The following PDE4D variants were observed in gnomAD, a reference collection of about 807,000 sequenced individuals.
PDE4D encodes the protein 3',5'-cyclic-AMP phosphodiesterase 4D.
In PDE4D, 24 loss-of-function variants were observed where a neutral mutation model predicts 87.4. That is an observed-to-expected ratio of 0.27 (90% CI 0.20 to 0.39). The LOEUF (loss-of-function observed/expected upper bound fraction) is 0.39, where lower values mean the gene tolerates loss of function less well. Ranked by LOEUF, PDE4D falls within the 10% of genes least tolerant of loss-of-function variation. The pLI is 1.00. For missense variants in PDE4D, 714 were observed against 1,041.0 expected (o/e 0.69, Z 4.32); for synonymous variants, 384 against 383.2 (o/e 1.00, Z -0.02).
At chr5:60,039,370 G>A (rs1437756910) in intron 2 of PDE4D, among the ~76,000 whole-genome samples, 2 of 149,834 alleles carry the variant, frequency 1.3e-5, no homozygotes, top group Non-Finnish European at 1.5e-5. Context: ...TCACTCATAG[G>A]TGGGAATTGA....
intron 1 of PDE4D, among the ~76,000 whole-genome samples, chr5:59,817,740 A>ACCCCCCCC (rs1356310097): frequency 7.9e-6 from 1 of 127,210 alleles, no homozygotes; most frequent in Admixed American, 8.4e-5. Context: ...GCACACACCC[A>ACCCCCCCC]CACCCCCCCC....
chr5:59,610,687 C>T (rs1034887561), intron 1 of PDE4D, among the ~76,000 whole-genome samples: 8 of 152,040 alleles, frequency 5.3e-5, no homozygotes, highest in African/African-American at 1.9e-4. Context: ...GCACATTAGT[C>T]CTTTGGATGG....
chr5:60,156,222 T>C (rs1781965576), intron 2 of PDE4D, among the ~76,000 whole-genome samples: 1 of 152,242 alleles, frequency 6.6e-6, no homozygotes, highest in South Asian at 2.1e-4. Flanking sequence ...CGGGCCTCGC[T>C]ACTGTTTGTT....
intron 2 of PDE4D, among the ~76,000 whole-genome samples, chr5:60,127,318 C>T (rs1187220589): frequency 6.6e-6 from 1 of 152,134 alleles, no homozygotes; most frequent in African/African-American, 2.4e-5. Context: ...TGGGAAACCG[C>T]TAACTGGTTT....
At chr5:59,309,371 T>C (rs1772104250) in intron 1 of PDE4D, among the ~76,000 whole-genome samples, 1 of 152,212 alleles carries the variant, frequency 6.6e-6, no homozygotes, top group South Asian at 2.1e-4. Flanking sequence ...GCCCTCTGGA[T>C]GGATCCCTGT....
chr5:59,386,470 A>G (rs1436921503), intron 1 of PDE4D, among the ~76,000 whole-genome samples: 1 of 152,096 alleles, frequency 6.6e-6, no homozygotes, highest in Non-Finnish European at 1.5e-5. Flanking sequence ...CAGAGTAATT[A>G]GACCATTCCC....
At chr5:59,999,499 C>G (rs1162639952) in intron 2 of PDE4D, among the ~76,000 whole-genome samples, 1 of 104,600 alleles carries the variant, frequency 9.6e-6, no homozygotes, top group Non-Finnish European at 1.9e-5. Flanking sequence ...AGAACACACA[C>G]AAATTCAAAG....
At chr5:60,207,290 G>T (rs1002009773) in intron 1 of PDE4D, among the ~76,000 whole-genome samples, 2 of 152,162 alleles carry the variant, frequency 1.3e-5, no homozygotes, top group African/African-American at 4.8e-5. Flanking sequence ...ATGGTTAAGG[G>T]GAAATGAGAC....
At chr5:60,050,773 G>A (rs1770034556) in intron 2 of PDE4D, among the ~76,000 whole-genome samples, 1 of 152,170 alleles carries the variant, frequency 6.6e-6, no homozygotes, top group Admixed American at 6.5e-5. Context: ...CCATTGTTGT[G>A]CTGTATTCAG....
chr5:60,330,152 C>T (rs536477470), intron 1 of PDE4D, among the ~76,000 whole-genome samples: 3 of 152,266 alleles, frequency 2.0e-5, no homozygotes, highest in African/African-American at 4.8e-5. Context: ...TGAAAGGAAA[C>T]TTTGATCTGA....
rs1179036754 is a variant in PDE4D, at chr5:59,369,776, T to C, written c.456-153808A>G. 2.6e-5 allele frequency among the ~76,000 whole-genome samples: 4 copies of C among 152,232 alleles called. No individual in the cohort carries two copies. In the South Asian group the frequency reaches 8.3e-4, roughly 32 times the overall value. On this transcript the variant is annotated intron_variant, in intron 1 of 14. Coordinates refer to ENST00000340635, the MANE Select transcript of PDE4D (RefSeq NM_001104631.2). Reference sequence around the variant, plus strand: ...CCCCCAGGTGCCTGAGATGGGAAACTGACTGAGTCTGCCATAGCCTCAGGT... The same window carrying C: ...CCCCCAGGTGCCTGAGATGGGAAACCGACTGAGTCTGCCATAGCCTCAGGT...
At chr5:60,113,245 T>C (rs1035600961) in intron 2 of PDE4D, among the ~76,000 whole-genome samples, 3 of 152,100 alleles carry the variant, frequency 2.0e-5, no homozygotes, top group Admixed American at 2.0e-4. Context: ...TATCACCTCC[T>C]TCCTTAAGAA....
intron 1 of PDE4D, among the ~76,000 whole-genome samples, chr5:59,728,025 T>A (rs1429683926): frequency 1.3e-5 from 2 of 152,150 alleles, no homozygotes; most frequent in Admixed American, 6.6e-5. Flanking sequence ...GACCTAATAA[T>A]AATAGCATCT....
chr5:60,064,457 T>C (rs576737736), intron 2 of PDE4D, among the ~76,000 whole-genome samples: 29 of 152,230 alleles, frequency 1.9e-4, no homozygotes, highest in African/African-American at 6.7e-4. Flanking sequence ...GAGCTCTCGT[T>C]GTGCTGTTTT....
At chr5:59,712,240 T>G (rs1754298525) in intron 1 of PDE4D, among the ~76,000 whole-genome samples, 1 of 151,746 alleles carries the variant, frequency 6.6e-6, no homozygotes, top group South Asian at 2.1e-4. Context: ...CTCTACCATA[T>G]TCATTACCTT....
chr5:59,767,150 CT>C (rs34936913), intron 1 of PDE4D, among the ~76,000 whole-genome samples: 31 of 151,174 alleles, frequency 2.1e-4, no homozygotes, highest in African/African-American at 5.3e-4. Context: ...CTTGTTTCTG[CT>C]TTTTTTTTCC....
intron 1 of PDE4D, among the ~76,000 whole-genome samples, chr5:59,239,783 T>C (rs551731290): frequency 6.6e-6 from 1 of 152,280 alleles, no homozygotes; most frequent in South Asian, 2.1e-4. Context: ...TGAATTTGAA[T>C]AGGTTCTGTT....
Position 59,428,895 on chromosome 5 carries a change from G to A in PDE4D, c.456-212927C>T, listed in dbSNP as rs1354851949. 4.6e-5 allele frequency among the ~76,000 whole-genome samples: 7 copies of A among 152,208 alleles called. No individual in the cohort carries two copies. In the South Asian group the frequency reaches 1.0e-3, roughly 23 times the overall value. On this transcript the variant is annotated intron_variant, in intron 1 of 14. Transcript: ENST00000340635. ...ATGTATTCTACTGAAAGAAAAGATG[G>A]ATCTGGTATTTTTACAAATCCCAAG... is the stretch of plus-strand genomic sequence containing the variant.
chr5:59,392,916 G>A (rs776385362), intron 1 of PDE4D, among the ~76,000 whole-genome samples: 1 of 152,102 alleles, frequency 6.6e-6, no homozygotes, highest in Non-Finnish European at 1.5e-5. Context: ...ATCTGCTGTC[G>A]AAGTCCTGGC....
Sources: gnomAD v4.1 joint callset for allele counts (sites outside exome capture counted in the v4.1 genomes callset) on GRCh38, gnomAD v4.1.1 for gene constraint, MANE v1.5 for transcripts, NCBI Gene and HGNC (gene_info 2026-07-23, HGNC 2026-07-21) for gene names.